The following RAB38 variants were observed in gnomAD, a reference collection of about 807,000 sequenced individuals.
The protein encoded by RAB38 is ras-related protein Rab-38.
Under a neutral mutation model 18.4 loss-of-function variants are expected in RAB38, and 15 were observed. That is an observed-to-expected ratio of 0.82 (90% CI 0.55 to 1.26). RAB38 has a LOEUF of 1.26. Ranked by LOEUF, RAB38 falls within the 50% of genes most tolerant of loss-of-function variation. The pLI is 0.00. For missense variants in RAB38, 294 were observed against 267.4 expected (o/e 1.10, Z -0.69); for synonymous variants, 101 against 104.4 (o/e 0.97, Z 0.20).
the RAB38 span, among the ~76,000 whole-genome samples, chr11:88,003,823 TAGATTGTATA>T: frequency 5.3e-3 from 16 of 2,994 alleles, no homozygotes; most frequent in Non-Finnish European, 6.6e-3. Context: ...TAATATATAA[TAGATTGTATA>T]ATATATATTT....
At chr11:88,018,513 T>C in the RAB38 span, among the ~76,000 whole-genome samples, 2 of 152,112 alleles carry the variant, frequency 1.3e-5, no homozygotes, top group Middle Eastern at 3.2e-3. Flanking sequence ...GTTTTCTGTA[T>C]CCATTGTCTC....
intron 2 of RAB38, among the ~76,000 whole-genome samples, chr11:88,128,178 T>C (rs772472814): frequency 5.3e-5 from 8 of 152,202 alleles, no homozygotes; most frequent in Non-Finnish European, 1.2e-4. Flanking sequence ...CAAACTATCT[T>C]GGTCACTATG....
chr11:87,938,550 A>T, the RAB38 span, among the ~76,000 whole-genome samples: 3 of 148,920 alleles, frequency 2.0e-5, no homozygotes, highest in East Asian at 6.0e-4. Flanking sequence ...CAGTGCCATT[A>T]GGTTGCAGTA....
the RAB38 span, among the ~76,000 whole-genome samples, chr11:88,005,206 T>C: frequency 6.0e-5 from 9 of 151,220 alleles, no homozygotes. Flanking sequence ...AGGAATAAAC[T>C]CAGAGAATTC....
the RAB38 span, among the ~76,000 whole-genome samples, chr11:87,971,671 G>A: frequency 6.6e-6 from 1 of 152,120 alleles, no homozygotes; most frequent in South Asian, 2.1e-4. Context: ...AGATGCTGAT[G>A]CTAGACAGAG....
chr11:87,876,999 C>A, the RAB38 span, among the ~76,000 whole-genome samples: 103 of 151,640 alleles, frequency 6.8e-4, no homozygotes, highest in Non-Finnish European at 1.3e-3. Context: ...TGCATTTTCA[C>A]CATCAACAAA....
chr11:88,096,162 C>T, the RAB38 span, among the ~76,000 whole-genome samples: 4 of 151,826 alleles, frequency 2.6e-5, no homozygotes, highest in African/African-American at 7.3e-5. Flanking sequence ...AGAAATCCTA[C>T]ATCATCTTTA....
the RAB38 span, among the ~76,000 whole-genome samples, chr11:87,973,489 G>C: frequency 6.6e-6 from 1 of 151,970 alleles, no homozygotes; most frequent in South Asian, 2.1e-4. Context: ...ATGTGCCAAT[G>C]TTCTAGGTCT....
chr11:87,878,512 A>G, the RAB38 span, among the ~76,000 whole-genome samples: 2 of 151,542 alleles, frequency 1.3e-5, no homozygotes, highest in Non-Finnish European at 3.0e-5. Flanking sequence ...TGCAAAATAA[A>G]GAGGGAGTGT....
chr11:87,945,476 G>T, the RAB38 span, among the ~76,000 whole-genome samples: 1 of 152,154 alleles, frequency 6.6e-6, no homozygotes, highest in Admixed American at 6.6e-5. Flanking sequence ...CAACGGGGTT[G>T]TCAGTGGGTT....
the RAB38 span, among the ~76,000 whole-genome samples, chr11:87,936,924 G>T: frequency 6.6e-6 from 1 of 151,904 alleles, no homozygotes; most frequent in African/African-American, 2.4e-5. Context: ...CATGCCATTT[G>T]CATTTATTTC....
the RAB38 span, among the ~76,000 whole-genome samples, chr11:88,047,734 A>G: frequency 6.6e-4 from 100 of 152,326 alleles, no homozygotes; most frequent in East Asian, 0.015. Flanking sequence ...CCCATTGCTC[A>G]GGACAATGCT....
At chr11:88,150,063 C>T (rs1048734866) in intron 1 of RAB38, 108 bp from the exon 2 acceptor site, 7 of 1,141,818 alleles carry the variant, frequency 6.1e-6, no homozygotes, top group African/African-American at 4.7e-5. Flanking sequence ...TAAAGTGCTT[C>T]GTCTTTACTG....
At chr11:88,007,072 T>C in the RAB38 span, among the ~76,000 whole-genome samples, 2 of 151,884 alleles carry the variant, frequency 1.3e-5, no homozygotes, top group East Asian at 1.9e-4. Flanking sequence ...ATGTGATGAT[T>C]ACACAATTTA....
chr11:88,155,288 A>G (rs1433553158), intron 1 of RAB38, among the ~76,000 whole-genome samples: 5 of 152,220 alleles, frequency 3.3e-5, no homozygotes, highest in South Asian at 4.1e-4. Context: ...CTGAGGCAAC[A>G]GAGAGCTTCC....
chr11:88,088,103 C>T, the RAB38 span, among the ~76,000 whole-genome samples: 15 of 151,972 alleles, frequency 9.9e-5, no homozygotes. Context: ...TTTTCATTTT[C>T]CATGTCAGCA....
the RAB38 span, among the ~76,000 whole-genome samples, chr11:87,804,829 A>G: frequency 1.3e-5 from 2 of 152,150 alleles, no homozygotes; most frequent in Non-Finnish European, 2.9e-5. Flanking sequence ...ATACTCCTCT[A>G]ATGATGAAAT....
Position 88,114,077 on chromosome 11 carries a change from C to T in RAB38, c.547G>A (p.Asp183Asn). ...TCCGGCTCAATAGACTCCATTAGGT[C>T]ACACTCATTTGCAAGTATGTGTTTC... ...LVKHILANEC[D>N]LMESIEPDVV... Residue 183 changes from aspartate to asparagine, a missense_variant, in exon 3 of 3, where the codon GAC becomes AAC. By Grantham distance (23) the Asp-to-Asn change is conservative (BLOSUM62 1). Coordinates refer to ENST00000243662, the MANE Select transcript of RAB38 (RefSeq NM_022337.3). 6.2e-7 allele frequency: 1 copy of T among 1,614,156 alleles called. No individual in the cohort carries two copies.
chr11:88,011,815 T>C, the RAB38 span, among the ~76,000 whole-genome samples: 1 of 152,166 alleles, frequency 6.6e-6, no homozygotes, highest in African/African-American at 2.4e-5. Context: ...AGTCAGACAG[T>C]AGGTAAGCAG....
Sources: allele counts gnomAD v4.1 joint callset (sites outside exome capture counted in the v4.1 genomes callset), GRCh38; gene constraint gnomAD v4.1.1; transcripts MANE v1.5; gene names NCBI Gene and HGNC (gene_info 2026-07-23, HGNC 2026-07-21).